Variants in LPAR6 observed in about 807,000 individuals in gnomAD.
LPAR6 encodes the protein lysophosphatidic acid receptor 6.
In LPAR6, 17 loss-of-function variants were observed where a neutral mutation model predicts 22.0. That is an observed-to-expected ratio of 0.77 (90% CI 0.53 to 1.16). The LOEUF (loss-of-function observed/expected upper bound fraction) is 1.16. Ranked by LOEUF, LPAR6 falls within the 50% of genes most tolerant of loss-of-function variation. The probability of loss-of-function intolerance (pLI) is 0.00; values close to 1 mark genes in which losing one functional copy is unlikely to be tolerated. For missense variants in LPAR6, 384 were observed against 406.9 expected (o/e 0.94, Z 0.48); for synonymous variants, 136 against 139.8 (o/e 0.97, Z 0.19).
At chr13:48,397,152 C>T (rs1050846438) in intron 1 of LPAR6, among the ~76,000 whole-genome samples, 6 of 152,120 alleles carry the variant, frequency 3.9e-5, no homozygotes, top group African/African-American at 1.2e-4. Context: ...TGAGCATATA[C>T]CCAAAGGATT....
intron 1 of LPAR6, among the ~76,000 whole-genome samples, chr13:48,423,369 G>A (rs953240623): frequency 6.6e-6 from 1 of 151,732 alleles, no homozygotes; most frequent in Non-Finnish European, 1.5e-5. Flanking sequence ...CCGCAGGTTG[G>A]GTTTTTTCAC....
At chr13:48,400,397 G>C (rs1413246686) in intron 1 of LPAR6, among the ~76,000 whole-genome samples, 2 of 152,104 alleles carry the variant, frequency 1.3e-5, no homozygotes, top group Admixed American at 1.3e-4. Flanking sequence ...CAGGCTATCT[G>C]GTTCCAGAGA....
intron 1 of LPAR6, among the ~76,000 whole-genome samples, chr13:48,395,268 A>G (rs1256376219): frequency 6.6e-6 from 1 of 152,200 alleles, no homozygotes; most frequent in Non-Finnish European, 1.5e-5. Flanking sequence ...GACCAAAGGT[A>G]GATAAATCCA....
At chr13:48,413,545 CAG>C (rs1160602619), upstream of LPAR6, among the ~76,000 whole-genome samples, 4 of 152,078 alleles carry the variant, frequency 2.6e-5, no homozygotes. Context: ...GACTATGAAA[CAG>C]GGGCCTTTAA....
At chr13:48,436,871 T>C (rs2138294799) in intron 1 of LPAR6, among the ~76,000 whole-genome samples, 1 of 152,344 alleles carries the variant, frequency 6.6e-6, no homozygotes, top group Non-Finnish European at 1.5e-5. Context: ...GTAGTTCTAA[T>C]AATATTCCTT....
chr13:48,403,317 C>G (rs1948710136), intron 1 of LPAR6, among the ~76,000 whole-genome samples: 1 of 151,898 alleles, frequency 6.6e-6, no homozygotes, highest in Admixed American at 6.6e-5. Context: ...CCTCCTTTCT[C>G]CCCGCAAACC....
At chr13:48,409,574 T>A (rs1168438646), downstream of LPAR6, among the ~76,000 whole-genome samples, 1 of 22,808 alleles carries the variant, frequency 4.4e-5, no homozygotes, top group East Asian at 9.7e-4. Flanking sequence ...TGCTTGATTT[T>A]TTTTTTTTTT....
chr13:48,434,162 A>G (rs1020480342), intron 1 of LPAR6, among the ~76,000 whole-genome samples: 1 of 152,004 alleles, frequency 6.6e-6, no homozygotes, highest in African/African-American at 2.4e-5. Context: ...TTCTTCTTCA[A>G]TGAGCCAGGC....
At chr13:48,442,724 A>G (rs1949250162) in intron 1 of LPAR6, among the ~76,000 whole-genome samples, 2 of 152,310 alleles carry the variant, frequency 1.3e-5, no homozygotes, top group Non-Finnish European at 2.9e-5. Flanking sequence ...TGCCTCCCAG[A>G]GCTGGTATAT....
chr13:48,402,041 T>C (rs1948696652), intron 1 of LPAR6, among the ~76,000 whole-genome samples: 1 of 152,176 alleles, frequency 6.6e-6, no homozygotes, highest in African/African-American at 2.4e-5. Context: ...GGTTTTATCA[T>C]TTAGTTTTTT....
At chr13:48,402,997 AT>A (rs1256495578) in intron 1 of LPAR6, among the ~76,000 whole-genome samples, 2 of 152,140 alleles carry the variant, frequency 1.3e-5, no homozygotes, top group Non-Finnish European at 1.5e-5. Context: ...CCTTTTTTAT[AT>A]ATAAAACCTA....
chr13:48,395,032 G>A (rs1029684332), intron 1 of LPAR6, among the ~76,000 whole-genome samples: 7 of 152,174 alleles, frequency 4.6e-5, no homozygotes, highest in South Asian at 2.1e-4. Context: ...CCTCTGGGAC[G>A]AAGCTTCCAG....
chr13:48,439,633 C>T (rs1317397052), intron 1 of LPAR6: 1 of 152,088 alleles, frequency 6.6e-6, no homozygotes, highest in Non-Finnish European at 1.5e-5. Context: ...AGCCCAAATG[C>T]TGGGAAAAAG....
At chr13:48,424,380 A>G (rs966134235) in intron 1 of LPAR6, among the ~76,000 whole-genome samples, 5 of 152,188 alleles carry the variant, frequency 3.3e-5, no homozygotes, top group Non-Finnish European at 7.3e-5. Flanking sequence ...CAAAGAGTTG[A>G]ACCAACTTTT....
chr13:48,399,538 A>G (rs1210326892), intron 1 of LPAR6, among the ~76,000 whole-genome samples: 1 of 152,074 alleles, frequency 6.6e-6, no homozygotes, highest in Admixed American at 6.6e-5. Context: ...AGATCTAGGA[A>G]TATAAGCTCA....
chr13:48,417,364 A>G (rs1793435479), upstream of LPAR6: 1 of 152,342 alleles, frequency 6.6e-6, no homozygotes. Context: ...ACTAACAAAC[A>G]GAAATGAATA....
At chr13:48,408,718 A>T (rs1410996853), downstream of LPAR6, 1 of 152,136 alleles carries the variant, frequency 6.6e-6, no homozygotes, top group African/African-American at 2.4e-5. Context: ...GTTATCTGTT[A>T]TGTATTGCTT....
At chr13:48,405,250 A>G (rs1458706930) in intron 1 of LPAR6, among the ~76,000 whole-genome samples, 1 of 152,230 alleles carries the variant, frequency 6.6e-6, no homozygotes, top group Non-Finnish European at 1.5e-5. Flanking sequence ...TCTTTTAACA[A>G]TTGTATAACC....
At chr13:48,395,524 G>A (rs1415822840) in intron 1 of LPAR6, among the ~76,000 whole-genome samples, 4 of 152,010 alleles carry the variant, frequency 2.6e-5, no homozygotes, top group African/African-American at 9.7e-5. Context: ...CCAGTTTAGA[G>A]AAGAACATAA....
Sources: allele counts gnomAD v4.1 joint callset (sites outside exome capture counted in the v4.1 genomes callset), GRCh38; gene constraint gnomAD v4.1.1; transcripts MANE v1.5; gene names NCBI Gene and HGNC (gene_info 2026-07-23, HGNC 2026-07-21).